Variants in NT5DC1 observed in about 807,000 individuals in gnomAD.
The protein encoded by NT5DC1 is 5'-nucleotidase domain-containing protein 1.
Under a neutral mutation model 59.4 loss-of-function variants are expected in NT5DC1, and 42 were observed. The ratio of observed to expected loss-of-function variants is 0.71; its 90% CI spans 0.55 to 0.92. NT5DC1 has a LOEUF of 0.92. NT5DC1 is among the 40% of genes least tolerant of loss of function. The pLI is 0.00. For synonymous variants in NT5DC1, 172 were observed against 188.1 expected (o/e 0.91, Z 0.70); for missense variants, 501 against 537.1 (o/e 0.93, Z 0.66).
chr6:116,149,786 G>A (rs929035162), intron 6 of NT5DC1, among the ~76,000 whole-genome samples: 1 of 152,194 alleles, frequency 6.6e-6, no homozygotes, highest in Non-Finnish European at 1.5e-5. Flanking sequence ...AAATCAGACA[G>A]CTTGAAGATT....
intron 6 of NT5DC1, among the ~76,000 whole-genome samples, chr6:116,124,301 G>A (rs772883727): frequency 9.2e-5 from 14 of 152,004 alleles, no homozygotes; most frequent in Non-Finnish European, 1.9e-4. Context: ...AAAAAATTAT[G>A]GAAAGGGAGT....
At chr6:116,234,707 G>T (rs1404790758) in intron 8 of NT5DC1, among the ~76,000 whole-genome samples, 1 of 152,190 alleles carries the variant, frequency 6.6e-6, no homozygotes, top group Non-Finnish European at 1.5e-5. Flanking sequence ...TTACAAAGAA[G>T]TACAGTGTAC....
At chr6:116,120,091 G>T (rs745957575) in intron 6 of NT5DC1, 1 of 1,613,938 alleles carries the variant, frequency 6.2e-7, no homozygotes, top group Non-Finnish European at 8.5e-7. Context: ...GAGCCACTAG[G>T]AATCCTGAGA....
intron 11 of NT5DC1, among the ~76,000 whole-genome samples, chr6:116,239,936 T>C (rs1455586881): frequency 6.6e-6 from 1 of 152,078 alleles, no homozygotes; most frequent in Admixed American, 6.5e-5. Flanking sequence ...GTATAAACTG[T>C]GGTATAAAAA....
intron 6 of NT5DC1, among the ~76,000 whole-genome samples, chr6:116,149,695 A>G (rs1246903162): frequency 6.6e-6 from 1 of 152,232 alleles, no homozygotes; most frequent in Non-Finnish European, 1.5e-5. Context: ...CTTAGTGTTG[A>G]TGCACCAAAT....
At chr6:116,161,009 C>T (rs1228848420) in intron 6 of NT5DC1, among the ~76,000 whole-genome samples, 1 of 151,626 alleles carries the variant, frequency 6.6e-6, no homozygotes, top group African/African-American at 2.4e-5. Context: ...TACTATGCAG[C>T]CATAAAAAAT....
At chr6:116,211,384 T>TA (rs1428210503) in intron 6 of NT5DC1, among the ~76,000 whole-genome samples, 1 of 152,034 alleles carries the variant, frequency 6.6e-6, no homozygotes, top group African/African-American at 2.4e-5. Context: ...TGTGCAGCAA[T>TA]AAAAAACCCA....
At chr6:116,239,818 A>G (rs1782189102) in intron 11 of NT5DC1, among the ~76,000 whole-genome samples, 1 of 152,216 alleles carries the variant, frequency 6.6e-6, no homozygotes, top group African/African-American at 2.4e-5. Context: ...AATGAAAAAT[A>G]GCCGGGCACA....
intron 6 of NT5DC1, among the ~76,000 whole-genome samples, chr6:116,136,838 A>G (rs1017766089): frequency 2.6e-5 from 4 of 152,190 alleles, no homozygotes; most frequent in Admixed American, 6.6e-5. Flanking sequence ...GAAACAGAAT[A>G]TTTAGTCACA....
intron 11 of NT5DC1, among the ~76,000 whole-genome samples, chr6:116,241,945 A>G (rs1771737638): frequency 6.5e-5 from 1 of 15,354 alleles, no homozygotes; most frequent in Non-Finnish European, 1.4e-4. Flanking sequence ...AAAACAAAAC[A>G]AAAAAAAAAA....
chr6:116,131,322 C>A (rs1779458020), intron 6 of NT5DC1, among the ~76,000 whole-genome samples: 1 of 152,056 alleles, frequency 6.6e-6, no homozygotes, highest in East Asian at 1.9e-4. Flanking sequence ...ACCTATCCAC[C>A]CTGTGTTTCA....
intron 6 of NT5DC1, among the ~76,000 whole-genome samples, chr6:116,184,105 A>T (rs1281708343): frequency 6.6e-6 from 1 of 152,078 alleles, no homozygotes; most frequent in South Asian, 2.1e-4. Context: ...GGTTTTAATC[A>T]TAAAGAGATG....
At chr6:116,202,929 TA>T (rs1378271187) in intron 6 of NT5DC1, among the ~76,000 whole-genome samples, 14 of 152,042 alleles carry the variant, frequency 9.2e-5, no homozygotes, top group African/African-American at 3.4e-4. Context: ...GGTAATGTAG[TA>T]ATGCAAAAAG....
chr6:116,113,329 C>A (rs1778913245), intron 4 of NT5DC1, among the ~76,000 whole-genome samples: 1 of 152,300 alleles, frequency 6.6e-6, no homozygotes, highest in Non-Finnish European at 1.5e-5. Flanking sequence ...ATTTGCCATT[C>A]TACCATGGCC....
chr6:116,241,964 G>GA (rs1771740391), intron 11 of NT5DC1, among the ~76,000 whole-genome samples: 1 of 123,742 alleles, frequency 8.1e-6, no homozygotes, highest in Non-Finnish European at 1.8e-5. Context: ...AAAAAACAAA[G>GA]AATCAGCAAG....
intron 6 of NT5DC1, among the ~76,000 whole-genome samples, chr6:116,186,190 G>T (rs1421250381): frequency 6.6e-6 from 1 of 152,008 alleles, no homozygotes; most frequent in Non-Finnish European, 1.5e-5. Context: ...GAGAACAAAG[G>T]TAGGACCCCA....
intron 6 of NT5DC1, among the ~76,000 whole-genome samples, chr6:116,161,209 G>T (rs1165919557): frequency 3.7e-5 from 4 of 108,880 alleles, no homozygotes; most frequent in Admixed American, 1.1e-4. Context: ...GGGGAGGGGG[G>T]AGGGATAGCA....
At chr6:116,232,967 GT>G (rs1782047840) in intron 8 of NT5DC1, among the ~76,000 whole-genome samples, 2 of 152,022 alleles carry the variant, frequency 1.3e-5, no homozygotes, top group Admixed American at 1.3e-4. Flanking sequence ...CATTAGGTCA[GT>G]TTTTTGGTAG....
chr6:116,180,678 A>T lies in NT5DC1; in HGVS notation c.530-40376A>T, dbSNP rs548356158. ...TAAACCTCTGTAATTACCAGTTCAT[A>T]GGAACTAGAGTACCAAGTTAGTTGA... is the stretch of plus-strand genomic sequence containing the variant. On this transcript the variant is annotated intron_variant, in intron 6 of 11. Transcript: ENST00000319550. 5.9e-5 allele frequency among the ~76,000 whole-genome samples: 9 copies of T among 152,260 alleles called. No individual in the cohort carries two copies. In the South Asian group the frequency reaches 1.9e-3, roughly 32 times the overall value.
Sources: allele counts gnomAD v4.1 joint callset (sites outside exome capture counted in the v4.1 genomes callset), GRCh38; gene constraint gnomAD v4.1.1; transcripts MANE v1.5; gene names NCBI Gene and HGNC (gene_info 2026-07-23, HGNC 2026-07-21).